Variants in SNX8 observed in about 807,000 individuals in gnomAD.
SNX8 encodes the protein sorting nexin 8, also known as sorting nexin-8.
SNX8 carries 25 observed loss-of-function variants against 51.6 expected under a neutral mutation model. The ratio of observed to expected loss-of-function variants is 0.48; its 90% CI spans 0.35 to 0.68. SNX8 has a LOEUF of 0.68. SNX8 is among the 30% of genes least tolerant of loss of function. SNX8 has a pLI of 0.00. For synonymous variants in SNX8, 324 were observed against 277.0 expected, an observed-to-expected ratio of 1.17 and a Z score of -1.68; for missense variants, 695 against 624.0, an observed-to-expected ratio of 1.11 and a Z score of -1.21.
At chr7:2,308,146 A>G (rs1366897118) in intron 1 of SNX8, among the ~76,000 whole-genome samples, 3 of 152,164 alleles carry the variant, frequency 2.0e-5, no homozygotes, top group African/African-American at 7.2e-5. Context: ...AAGTCTTATC[A>G]CATAAGAAAT....
chr7:2,297,606 C>G (rs565722495), intron 1 of SNX8, among the ~76,000 whole-genome samples: 1 of 141,358 alleles, frequency 7.1e-6, no homozygotes, highest in East Asian at 2.1e-4. Flanking sequence ...TATCGCAGCA[C>G]AATTCACAGT....
At position 2,252,676 on chromosome 7, in the gene SNX8, C is replaced by CA. The variant is rs1795067935; in HGVS notation, c.*2379_*2380insT. The CA allele has an allele frequency of 7.2e-6, 1 of 138,128 alleles. No individual in the cohort carries two copies. Among genetic ancestry groups the CA allele is most frequent in the African/African-American group, 2.7e-5 (1 of 36,742 alleles). The allele number at this position is 138,128 out of a possible 1,614,324, so 8.6% of individuals were successfully genotyped here. On this transcript the variant is annotated 3_prime_UTR_variant, in exon 11 of 11. Transcript: ENST00000222990. ...CTCCCACCCCTGCCTTCCTGCCCCC[C>CA]CACCTCCCTCCTGCCTTCCCACCCC...
intron 5 of SNX8, among the ~76,000 whole-genome samples, chr7:2,268,564 C>G (rs1033846437): frequency 1.4e-5 from 2 of 147,234 alleles, no homozygotes; most frequent in Admixed American, 6.6e-5. Context: ...GGTCAGCCCC[C>G]CGCCTGGCCA....
At position 2,264,359 on chromosome 7, in the gene SNX8, G is replaced by T; in HGVS notation, c.721C>A (p.Arg241=). ...TTGTCGATGGCCCGCGATGCGATCC[G>T]CTCGGCCCTGTCGCGAAGCTTGTGA... ...SFHKLRDRAE[R]IASRAIDNAA... is the part of the protein sequence containing the mutation. The change falls in exon 6 of 11, where the codon CGG becomes AGG. Residue 241 remains arginine, a synonymous_variant. Coordinates refer to ENST00000222990, the MANE Select transcript of SNX8 (RefSeq NM_013321.4). The T allele has an allele frequency of 1.2e-6, 2 of 1,612,850 alleles. No individual in the cohort carries two copies. The highest frequency in any genetic ancestry group is 1.7e-6 in the Non-Finnish European group (2 of 1,179,954).
intron 8 of SNX8, 78 bp from the exon 9 acceptor site, chr7:2,257,592 C>T (rs745845150): frequency 4.6e-5 from 73 of 1,583,140 alleles, no homozygotes; most frequent in Non-Finnish European, 6.0e-5. Flanking sequence ...GAGGGAAGCA[C>T]CCCCGCCAGA....
chr7:2,348,311 T>C (rs1276177796), intron 1 of SNX8, among the ~76,000 whole-genome samples: 1 of 150,308 alleles, frequency 6.7e-6, no homozygotes, highest in Non-Finnish European at 1.5e-5. Context: ...CTCTGGCGAG[T>C]ACAGTATCTT....
At chr7:2,314,511 T>G (rs1379955487), upstream of SNX8, 2 of 1,075,578 alleles carry the variant, frequency 1.9e-6, no homozygotes, top group African/African-American at 4.1e-5. Flanking sequence ...ACACCCCGCC[T>G]GGTCACGCCC....
chr7:2,262,069 G>A (rs1175753208), intron 7 of SNX8, among the ~76,000 whole-genome samples: 4 of 152,270 alleles, frequency 2.6e-5, no homozygotes, highest in African/African-American at 9.6e-5. Context: ...ACAGGGTCTC[G>A]CTCTGTCGCC....
At chr7:2,279,182 G>A (rs1795853441) in intron 1 of SNX8, among the ~76,000 whole-genome samples, 1 of 52,042 alleles carries the variant, frequency 1.9e-5, no homozygotes, top group Non-Finnish European at 3.9e-5. Context: ...CGGAGTCGAC[G>A]CCGGACTCAC....
intron 7 of SNX8, 131 bp from the exon 8 acceptor site, chr7:2,257,934 G>T (rs1331159885): frequency 2.4e-6 from 2 of 827,350 alleles, no homozygotes; most frequent in Non-Finnish European, 3.9e-6. Context: ...AGGACCACCA[G>T]CCAGGTCTGC....
rs1268576906 is a variant in SNX8 at position 2,252,523 on chromosome 7, C to CA, written c.*2532dup. 6.6e-6 allele frequency: 1 copy of CA among 152,402 alleles called. No individual in the cohort carries two copies. The highest frequency in any genetic ancestry group is 2.4e-5 in the African/African-American group (1 of 41,416). 9.4% of individuals were successfully genotyped at this position (152,402 alleles called of 1,614,324 possible). On this transcript the variant is annotated 3_prime_UTR_variant, in exon 11 of 11. Transcript: ENST00000222990. Reference sequence around the variant, plus strand: ...GAGGAGGAAGGGGAGGGAGGTGTTCCAAAGCCAGTGCCCACCCCTCCACAG... The same window carrying CA: ...GAGGAGGAAGGGGAGGGAGGTGTTCCAAAAGCCAGTGCCCACCCCTCCACAG...
At chr7:2,261,745 C>T (rs535971824) in intron 7 of SNX8, among the ~76,000 whole-genome samples, 5 of 152,324 alleles carry the variant, frequency 3.3e-5, no homozygotes, top group East Asian at 3.9e-4. Context: ...AGCACGGGGG[C>T]GGAAGAGGAA....
At position 2,258,095 on chromosome 7, in the gene SNX8, C is replaced by T. The variant is rs573369763; in HGVS notation, c.916-292G>A. On this transcript the variant is annotated intron_variant, in intron 7 of 10. Coordinates refer to ENST00000222990, the MANE Select transcript of SNX8 (RefSeq NM_013321.4). ...GCACGATCTCGGCTCACTGCAAGCT[C>T]CGCCTCCCGGGTTCACGCCATTCTC... Among the ~76,000 whole-genome samples the T allele has an allele frequency of 8.6e-4, 130 of 151,612 alleles. 1 individual carries two copies. Among genetic ancestry groups the T allele is most frequent in the Middle Eastern group, 6.8e-3 (2 of 294 alleles).
At chr7:2,309,305 T>C (rs116149315) in intron 1 of SNX8, among the ~76,000 whole-genome samples, 5,378 of 152,264 alleles carry the variant, frequency 0.035, 213 homozygotes, top group African/African-American at 0.085. Flanking sequence ...GTGGATCACA[T>C]GAGGTCAGGA....
chr7:2,272,029 CTCTGGGCGAGT>C (rs1344574094), intron 3 of SNX8, 58 bp from the exon 4 acceptor site: 4 of 1,603,534 alleles, frequency 2.5e-6, no homozygotes, highest in Non-Finnish European at 3.4e-6. Flanking sequence ...CCATCTTCTG[CTCTGGGCGAGT>C]TCTCAAAACT....
intron 1 of SNX8, among the ~76,000 whole-genome samples, chr7:2,303,548 T>C (rs1228460715): frequency 6.6e-6 from 1 of 152,168 alleles, no homozygotes. Flanking sequence ...AGAAATCGGA[T>C]GGTTGCCGTG....
chr7:2,324,986 G>A (rs1467413375), intron 1 of SNX8, among the ~76,000 whole-genome samples: 1 of 147,828 alleles, frequency 6.8e-6, no homozygotes, highest in Non-Finnish European at 1.5e-5. Flanking sequence ...GCACACGCCT[G>A]TAGTCCCAGC....
In SNX8 at chr7:2,257,513, T is replaced by A. The variant is rs1205879769; in HGVS notation, c.986A>T (p.Asp329Val). 6.2e-7 allele frequency: 1 copy of A among 1,602,292 alleles called. No homozygotes were observed. The highest frequency in any genetic ancestry group is 8.5e-7 in the Non-Finnish European group (1 of 1,177,638). ...GCCCTTCTCATGCCGCTCGCACAGG[T>A]CCTGCGGGGCCGGGGGAGGCATTCG... ...LFLDLLQSYKDLCERHEKGVL... is the reference protein window; with the variant it reads ...LFLDLLQSYKVLCERHEKGVL... The change falls in exon 9 of 11, where the codon GAC becomes GTC. Residue 329 changes from aspartate to valine, a missense_variant and splice_region_variant. Coordinates refer to ENST00000222990, the MANE Select transcript of SNX8 (RefSeq NM_013321.4).
intron 1 of SNX8, among the ~76,000 whole-genome samples, chr7:2,285,050 A>G (rs1795993140): frequency 6.6e-6 from 1 of 151,866 alleles, no homozygotes. Flanking sequence ...ATCTCTTCTA[A>G]AAATACAAAA....
Sources: allele counts gnomAD v4.1 joint callset (sites outside exome capture counted in the v4.1 genomes callset), GRCh38; gene constraint gnomAD v4.1.1; transcripts MANE v1.5; gene names NCBI Gene and HGNC (gene_info 2026-07-23, HGNC 2026-07-21).